MEF2A: variants seen among roughly 807,000 people sequenced by gnomAD.
The protein encoded by MEF2A is myocyte enhancer factor 2A.
Under a neutral mutation model 55.8 loss-of-function variants are expected in MEF2A, and 28 were observed. That is an observed-to-expected ratio of 0.50 (90% CI 0.37 to 0.69). The LOEUF (loss-of-function observed/expected upper bound fraction) is 0.69. MEF2A is among the 30% of genes least tolerant of loss of function. The pLI is 0.00. For missense variants in MEF2A, 528 were observed against 626.2 expected, an observed-to-expected ratio of 0.84 and a Z score of 1.67; for synonymous variants, 239 against 227.1, an observed-to-expected ratio of 1.05 and a Z score of -0.47.
chr15:99,596,974 C>T (rs1971396791), intron 1 of MEF2A, among the ~76,000 whole-genome samples: 5 of 152,174 alleles, frequency 3.3e-5, no homozygotes, highest in Admixed American at 3.3e-4. Context: ...TTACTTCAGT[C>T]TCTTAATCCT....
At chr15:99,577,033 G>A (rs1350167527) in intron 1 of MEF2A, among the ~76,000 whole-genome samples, 10 of 152,208 alleles carry the variant, frequency 6.6e-5, no homozygotes, top group Admixed American at 6.5e-4. Flanking sequence ...AATGCCTAAT[G>A]TTGGCGTTGC....
intron 4 of MEF2A, 85 bp from the exon 5 acceptor site, chr15:99,671,238 C>A: frequency 1.4e-6 from 2 of 1,450,976 alleles, no homozygotes; most frequent in South Asian, 1.4e-5. Context: ...CAGTTCATTC[C>A]GTCTGTGCTC....
intron 4 of MEF2A, among the ~76,000 whole-genome samples, chr15:99,654,372 A>G (rs1293383569): frequency 6.6e-6 from 1 of 152,016 alleles, no homozygotes; most frequent in Non-Finnish European, 1.5e-5. Flanking sequence ...GGCAGAGAGA[A>G]CAGTATTAAA....
chr15:99,711,157 A>G (rs1009983293), intron 11 of MEF2A, among the ~76,000 whole-genome samples: 25 of 152,224 alleles, frequency 1.6e-4, no homozygotes, highest in African/African-American at 5.8e-4. Flanking sequence ...CTTGAAAGGC[A>G]GCCTGTAGGC....
chr15:99,605,323 A>T (rs1974664841), intron 2 of MEF2A, among the ~76,000 whole-genome samples: 2 of 152,244 alleles, frequency 1.3e-5, no homozygotes, highest in South Asian at 4.1e-4. Context: ...TTTTAAGGAC[A>T]AATGATTACC....
At chr15:99,675,185 A>T (rs2051712234) in intron 6 of MEF2A, among the ~76,000 whole-genome samples, 1 of 152,212 alleles carries the variant, frequency 6.6e-6, no homozygotes, top group Admixed American at 6.5e-5. Context: ...ATTGAAGGCG[A>T]CATCAAGCTT....
chr15:99,678,806 G>C, intron 7 of MEF2A: 1 of 437,408 alleles, frequency 2.3e-6, no homozygotes, highest in South Asian at 9.7e-5. Flanking sequence ...TGAATCAAAA[G>C]CACTGTAAAG....
intron 10 of MEF2A, 44 bp downstream of exon 10, chr15:99,706,899 T>C (rs2058099062): frequency 1.9e-6 from 3 of 1,586,002 alleles, no homozygotes; most frequent in African/African-American, 2.7e-5. Context: ...CCGCTCTCTG[T>C]TTTGTGATCA....
At chr15:99,630,768 C>A (rs531705126) in intron 2 of MEF2A, among the ~76,000 whole-genome samples, 6 of 152,326 alleles carry the variant, frequency 3.9e-5, no homozygotes, top group African/African-American at 1.4e-4. Context: ...TCTCTTCCTG[C>A]GTGGGCTAGT....
In MEF2A at chr15:99,601,040, C is replaced by G. The variant is rs1332935946; in HGVS notation, c.-143+2529C>G. ...TTATTAATGCGTGAGCTTGGTACCT[C>G]TATTCATTTAAGTCATCTTTACTTT... On this transcript the variant is annotated intron_variant, in intron 2 of 11. Transcript: ENST00000557942. Among the ~76,000 whole-genome samples, 3 of 152,144 alleles carry G rather than the reference C, an allele frequency of 2.0e-5. No homozygotes were observed. The East Asian group carries it at 5.8e-4, about 29-fold the overall frequency.
intron 3 of MEF2A, among the ~76,000 whole-genome samples, chr15:99,640,787 G>A (rs2044746818): frequency 6.6e-6 from 1 of 152,056 alleles, no homozygotes; most frequent in Admixed American, 6.5e-5. Context: ...GAGCTCAAGT[G>A]ATCCTCCCAC....
chr15:99,665,738 A>AAAAAAAAAAAAAAAAAAAAC (rs2049525599), intron 4 of MEF2A, among the ~76,000 whole-genome samples: 1 of 148,038 alleles, frequency 6.8e-6, no homozygotes, highest in Non-Finnish European at 1.5e-5. Context: ...TTACAAAAAA[A>AAAAAAAAAAAAAAAAAAAAC]AAAAAAAAAA....
intron 9 of MEF2A, among the ~76,000 whole-genome samples, chr15:99,703,841 CT>C (rs1179436861): frequency 6.6e-6 from 1 of 152,256 alleles, no homozygotes; most frequent in Admixed American, 6.5e-5. Context: ...TTATTTCATC[CT>C]GCATGATACA....
At chr15:99,658,478 G>A (rs1429107845) in intron 4 of MEF2A, among the ~76,000 whole-genome samples, 1 of 152,082 alleles carries the variant, frequency 6.6e-6, no homozygotes, top group Admixed American at 6.6e-5. Context: ...TGGCATTGTA[G>A]AAGACGGAAA....
At chr15:99,639,090 C>T (rs2044419231) in intron 3 of MEF2A, among the ~76,000 whole-genome samples, 1 of 151,716 alleles carries the variant, frequency 6.6e-6, no homozygotes, top group Non-Finnish European at 1.5e-5. Context: ...CCAAAGGTTC[C>T]AAAGGTAGAG....
At chr15:99,622,702 CTTTTTTT>C (rs56054040) in intron 2 of MEF2A, among the ~76,000 whole-genome samples, 1 of 135,700 alleles carries the variant, frequency 7.4e-6, no homozygotes, top group Non-Finnish European at 1.6e-5. Flanking sequence ...GTTTTCTTTT[CTTTTTTT>C]TTTTCTTTTT....
At chr15:99,590,781 T>C (rs73480467) in intron 1 of MEF2A, among the ~76,000 whole-genome samples, 1 of 152,112 alleles carries the variant, frequency 6.6e-6, no homozygotes, top group Non-Finnish European at 1.5e-5. Context: ...CCCTTCATTC[T>C]TTTTGCTATT....
chr15:99,703,503 C>G, intron 9 of MEF2A, 118 bp downstream of exon 9: 3 of 947,136 alleles, frequency 3.2e-6, no homozygotes, highest in Non-Finnish European at 4.6e-6. Context: ...AAACACTATT[C>G]AAACACTTTG....
chr15:99,620,566 G>A (rs1161565237), intron 2 of MEF2A, among the ~76,000 whole-genome samples: 2 of 152,046 alleles, frequency 1.3e-5, no homozygotes, highest in Admixed American at 6.5e-5. Context: ...TATGCATCAC[G>A]TTTTCTTTAT....
Sources: allele counts gnomAD v4.1 joint callset (sites outside exome capture counted in the v4.1 genomes callset), GRCh38; gene constraint gnomAD v4.1.1; transcripts MANE v1.5; gene names NCBI Gene and HGNC (gene_info 2026-07-23, HGNC 2026-07-21).